The following IL1RAPL1 variants were observed in gnomAD, a reference collection of about 807,000 sequenced individuals.
IL1RAPL1 encodes the protein interleukin 1 receptor accessory protein like 1, also known as interleukin-1 receptor accessory protein-like 1.
Under a neutral mutation model 48.4 loss-of-function variants are expected in IL1RAPL1, and 3 were observed. The ratio of observed to expected loss-of-function variants is 0.06; its 90% CI spans 0.03 to 0.16. The LOEUF is 0.16. Ranked by LOEUF, IL1RAPL1 falls within the 10% of genes least tolerant of loss-of-function variation. The pLI is 1.00. For synonymous variants in IL1RAPL1, 185 were observed against 187.7 expected (o/e 0.99, Z 0.12); for missense variants, 349 against 530.6 (o/e 0.66, Z 3.36).
At chrX:29,749,053 T>C (rs1337644400) in intron 6 of IL1RAPL1, among the ~76,000 whole-genome samples, 1 of 112,023 alleles carries the variant, frequency 8.9e-6, no homozygotes, top group Non-Finnish European at 1.9e-5. Context: ...GGAGAATAAA[T>C]TGATGGGAAG....
intron 6 of IL1RAPL1, among the ~76,000 whole-genome samples, chrX:29,850,122 T>C (rs1029911536): frequency 8.9e-6 from 1 of 112,220 alleles, no homozygotes; most frequent in Admixed American, 9.4e-5. Context: ...GTGTAGTCCC[T>C]TGGGAAAGTA....
intron 6 of IL1RAPL1, among the ~76,000 whole-genome samples, chrX:29,688,814 G>C (rs1432370410): frequency 1.2e-5 from 1 of 83,078 alleles, no homozygotes; most frequent in Non-Finnish European, 2.4e-5. Flanking sequence ...GTGCTTTGTG[G>C]TCTTTTTTTT....
intron 2 of IL1RAPL1, among the ~76,000 whole-genome samples, chrX:28,815,629 C>T (rs1936854580): frequency 9.6e-6 from 1 of 103,974 alleles, no homozygotes; most frequent in Non-Finnish European, 2.0e-5. Context: ...CCTGCTTGGC[C>T]TCTGACAACC....
intron 2 of IL1RAPL1, among the ~76,000 whole-genome samples, chrX:28,947,511 G>T (rs908383317): frequency 1.8e-5 from 2 of 110,419 alleles, no homozygotes; most frequent in Non-Finnish European, 3.8e-5. Flanking sequence ...AATGAGAACA[G>T]TTGGACACAG....
chrX:28,804,276 T>TA (rs921892884), intron 2 of IL1RAPL1, among the ~76,000 whole-genome samples: 1 of 111,580 alleles, frequency 9.0e-6, no homozygotes, highest in Non-Finnish European at 1.9e-5. Context: ...TCTGGGGGAT[T>TA]AAAAAAGATG....
At chrX:29,042,652 GAAC>G (rs1040884153) in intron 2 of IL1RAPL1, among the ~76,000 whole-genome samples, 2 of 111,324 alleles carry the variant, frequency 1.8e-5, no homozygotes, top group Non-Finnish European at 3.8e-5. Context: ...TTGAATTGGA[GAAC>G]AACAGAAGAC....
At chrX:29,751,111 C>CATAT (rs35646660) in intron 6 of IL1RAPL1, among the ~76,000 whole-genome samples, 101 of 109,002 alleles carry the variant, frequency 9.3e-4, no homozygotes, top group African/African-American at 2.8e-3. Context: ...CACATATATA[C>CATAT]ATATATATAT....
intron 5 of IL1RAPL1, among the ~76,000 whole-genome samples, chrX:29,575,686 A>T (rs1459710006): frequency 8.9e-6 from 1 of 112,352 alleles, no homozygotes; most frequent in Non-Finnish European, 1.9e-5. Context: ...GCATTCTGCA[A>T]TCCAATCAAG....
chrX:28,952,432 C>T (rs1213519995), intron 2 of IL1RAPL1, among the ~76,000 whole-genome samples: 1 of 111,285 alleles, frequency 9.0e-6, no homozygotes, highest in Non-Finnish European at 1.9e-5. Context: ...ATTTCTTAAC[C>T]TTCTTAATCT....
intron 1 of IL1RAPL1, among the ~76,000 whole-genome samples, chrX:28,716,308 A>G (rs1935504074): frequency 9.0e-6 from 1 of 111,641 alleles, no homozygotes; most frequent in South Asian, 3.8e-4. Flanking sequence ...CATATTCAAC[A>G]TAGTATTGGA....
At chrX:29,518,813 C>T (rs992131507) in intron 5 of IL1RAPL1, among the ~76,000 whole-genome samples, 2 of 111,625 alleles carry the variant, frequency 1.8e-5, no homozygotes, top group Non-Finnish European at 3.8e-5. Flanking sequence ...CTCCAACGTA[C>T]GTATTTAAAA....
At chrX:29,673,126 A>C (rs986297967) in intron 6 of IL1RAPL1, among the ~76,000 whole-genome samples, 1 of 112,147 alleles carries the variant, frequency 8.9e-6, no homozygotes, top group Non-Finnish European at 1.9e-5. Context: ...CCAAAGGAAA[A>C]TGTCCATACA....
At chrX:28,881,879 C>T (rs758242052) in intron 2 of IL1RAPL1, among the ~76,000 whole-genome samples, 52 of 110,380 alleles carry the variant, frequency 4.7e-4, no homozygotes, top group Non-Finnish European at 7.2e-4. Context: ...AGAGAGACTA[C>T]GGGACTTATG....
chrX:29,576,762 G>A (rs937999632), intron 5 of IL1RAPL1, among the ~76,000 whole-genome samples: 1 of 110,952 alleles, frequency 9.0e-6, no homozygotes, highest in Non-Finnish European at 1.9e-5. Context: ...ATATATACTC[G>A]AGATGAAAGA....
intron 2 of IL1RAPL1, among the ~76,000 whole-genome samples, chrX:28,930,708 C>A (rs1601963352): frequency 8.9e-6 from 1 of 112,046 alleles, no homozygotes; most frequent in Admixed American, 9.5e-5. Flanking sequence ...GTGGCACAAT[C>A]TTGGCTCGCT....
chrX:29,863,879 C>T (rs1306078768), intron 6 of IL1RAPL1, among the ~76,000 whole-genome samples: 2 of 111,263 alleles, frequency 1.8e-5, no homozygotes, highest in Admixed American at 9.5e-5. Flanking sequence ...CTCCGCCTAG[C>T]GTATTCAAGC....
intron 6 of IL1RAPL1, among the ~76,000 whole-genome samples, chrX:29,764,712 G>A (rs1167128683): frequency 1.8e-5 from 2 of 112,234 alleles, no homozygotes; most frequent in African/African-American, 3.2e-5. Flanking sequence ...TTTAGCTGTA[G>A]TGTTGAAATA....
intron 2 of IL1RAPL1, among the ~76,000 whole-genome samples, chrX:29,020,162 A>G (rs1415322749): frequency 8.9e-6 from 1 of 112,523 alleles, no homozygotes; most frequent in Non-Finnish European, 1.9e-5. Context: ...TTAATAAGTG[A>G]ATGAGTGTGT....
intron 6 of IL1RAPL1, among the ~76,000 whole-genome samples, chrX:29,777,665 T>C (rs1193512165): frequency 9.0e-6 from 1 of 111,234 alleles, no homozygotes; most frequent in East Asian, 2.8e-4. Flanking sequence ...CCACTCAAAG[T>C]TTGAAACATA....
Sources: gnomAD v4.1 joint callset for allele counts (sites outside exome capture counted in the v4.1 genomes callset) on GRCh38, gnomAD v4.1.1 for gene constraint, MANE v1.5 for transcripts, NCBI Gene and HGNC (gene_info 2026-07-23, HGNC 2026-07-21) for gene names.